The following BTBD8 variants were observed in gnomAD, a reference collection of about 807,000 sequenced individuals.
BTBD8 encodes the protein BTB domain containing 8.
In BTBD8, 110 loss-of-function variants were observed where a neutral mutation model predicts 162.9. The observed-to-expected ratio is 0.68, with a 90% CI of 0.58 to 0.79. The LOEUF (loss-of-function observed/expected upper bound fraction) is 0.79, where lower values mean the gene tolerates loss of function less well. BTBD8 is among the 30% of genes least tolerant of loss of function. BTBD8 has a pLI of 0.00. For synonymous variants in BTBD8, 667 were observed against 716.1 expected, an observed-to-expected ratio of 0.93 and a Z score of 1.10; for missense variants, 1,905 against 2,085.4, an observed-to-expected ratio of 0.91 and a Z score of 1.68.
At chr1:92,137,716 G>T (rs1649667092) in intron 5 of BTBD8, among the ~76,000 whole-genome samples, 1 of 152,176 alleles carries the variant, frequency 6.6e-6, no homozygotes. Flanking sequence ...GAGTGTTTCA[G>T]ATTTTTTCAG....
intron 4 of BTBD8, among the ~76,000 whole-genome samples, chr1:92,114,029 AAG>A (rs1303173902): frequency 6.6e-6 from 1 of 151,044 alleles, no homozygotes; most frequent in Non-Finnish European, 1.5e-5. Context: ...AAAAAAAAAA[AAG>A]ATTAGAGGGG....
chr1:92,091,557 C>T (rs543451863), intron 2 of BTBD8, among the ~76,000 whole-genome samples: 4 of 150,958 alleles, frequency 2.6e-5, no homozygotes, highest in South Asian at 4.2e-4. Flanking sequence ...TATTTTTAGA[C>T]GGAGTCTCGC....
At chr1:92,123,768 C>T in intron 4 of BTBD8, among the ~76,000 whole-genome samples, 1 of 118,424 alleles carries the variant, frequency 8.4e-6, no homozygotes, top group East Asian at 2.5e-4. Flanking sequence ...CAGAGCAAGA[C>T]TCCGTCTCAA....
intron 9 of BTBD8, among the ~76,000 whole-genome samples, chr1:92,162,217 C>A (rs982619459): frequency 6.6e-6 from 1 of 152,200 alleles, no homozygotes; most frequent in Non-Finnish European, 1.5e-5. Context: ...ACAGCACTTT[C>A]CCTCAGCCAC....
intron 15 of BTBD8, 38 bp downstream of exon 15, chr1:92,177,936 T>C: frequency 1.9e-6 from 2 of 1,065,826 alleles, no homozygotes; most frequent in Non-Finnish European, 2.7e-6. Flanking sequence ...ATCTGTTAGC[T>C]TTCTCTCAAA....
At chr1:92,121,775 T>G (rs1490662223) in intron 4 of BTBD8, among the ~76,000 whole-genome samples, 1 of 152,146 alleles carries the variant, frequency 6.6e-6, no homozygotes, top group African/African-American at 2.4e-5. Flanking sequence ...TTTCATGTGC[T>G]TATTTGCCAT....
At chr1:92,119,887 C>CCTTTT (rs1431815762) in intron 4 of BTBD8, among the ~76,000 whole-genome samples, 27 of 136,936 alleles carry the variant, frequency 2.0e-4, no homozygotes, top group South Asian at 2.3e-4. Context: ...TGCACCCGGC[C>CCTTTT]CTTTTCTTTT....
chr1:92,170,061 A>G (rs1379426760), intron 12 of BTBD8, among the ~76,000 whole-genome samples: 1 of 152,204 alleles, frequency 6.6e-6, no homozygotes, highest in African/African-American at 2.4e-5. Flanking sequence ...AGGTGTCTTC[A>G]GCTCTCTTCC....
At chr1:92,147,370 C>A in intron 8 of BTBD8, 102 bp downstream of exon 8, 1 of 979,816 alleles carries the variant, frequency 1.0e-6, no homozygotes, top group Non-Finnish European at 1.5e-6. Flanking sequence ...TTTTCTTGGA[C>A]ACAATGTAAG....
At chr1:92,105,849 G>GATT (rs1648712157) in intron 3 of BTBD8, among the ~76,000 whole-genome samples, 1 of 152,212 alleles carries the variant, frequency 6.6e-6, no homozygotes, top group African/African-American at 2.4e-5. Context: ...GAAATGGCTT[G>GATT]ATTGGTTATA....
In BTBD8 at chr1:92,080,428, C is replaced by A; in HGVS notation, c.-144C>A. ...GCTTCTCTGGGAGACTGTCTACAAA[C>A]CGACGAGAGGCGTCAACCTTTTACC... On this transcript the variant is annotated 5_prime_UTR_variant, in exon 1 of 18. Transcript: ENST00000636805. 1 of 1,234,766 alleles carries A rather than the reference C, an allele frequency of 8.1e-7. No individual in the cohort carries two copies. The highest frequency in any genetic ancestry group is 1.6e-5 in the South Asian group (1 of 63,494). The allele number at this position is 1,234,766 out of a possible 1,614,324, so 76.5% of individuals were successfully genotyped here.
At chr1:92,114,129 A>C (rs1007489794) in intron 4 of BTBD8, among the ~76,000 whole-genome samples, 1 of 152,068 alleles carries the variant, frequency 6.6e-6, no homozygotes, top group Non-Finnish European at 1.5e-5. Flanking sequence ...ATAAAGTAAG[A>C]AATAATTGTT....
intron 16 of BTBD8, among the ~76,000 whole-genome samples, 169 bp from the exon 17 acceptor site, chr1:92,180,096 T>C (rs541641159): frequency 2.0e-5 from 3 of 152,336 alleles, no homozygotes; most frequent in South Asian, 2.1e-4. Flanking sequence ...TATTTTATCA[T>C]GTAACTGATT....
Position 92,181,375 on chromosome 1 carries a change from T to C in BTBD8, c.3692T>C (p.Phe1231Ser), listed in dbSNP as rs1245542849. Residue 1231 changes from phenylalanine to serine, a missense_variant, in exon 17 of 18, where the codon TTT (phenylalanine) becomes TCT (serine). Physicochemically the swap from Phe to Ser is radical, Grantham distance 155 (BLOSUM62 -2). This residue lies in a region of BTBD8 where 1,374 missense variants were observed against 1,442.7 expected (regional missense o/e 0.95). Transcript: ENST00000636805. ...PESHETPETP[F>S]VGHWNLSTGV... ...AGCCATGAAACTCCAGAAACTCCAT[T>C]TGTGGGTCACTGGAATTTGAGTACT... The C allele has an allele frequency of 6.4e-7, 1 of 1,551,568 alleles. No homozygotes were observed. Among genetic ancestry groups the C allele is most frequent in the Non-Finnish European group, 8.7e-7 (1 of 1,146,986 alleles).
intron 2 of BTBD8, among the ~76,000 whole-genome samples, chr1:92,100,390 G>A (rs1282735557): frequency 6.6e-6 from 1 of 152,022 alleles, no homozygotes; most frequent in Non-Finnish European, 1.5e-5. Context: ...AATTTGTGAA[G>A]GATTGGTGTT....
At chr1:92,154,653 G>A (rs377347384) in intron 9 of BTBD8, among the ~76,000 whole-genome samples, 34 of 152,250 alleles carry the variant, frequency 2.2e-4, no homozygotes, top group East Asian at 1.4e-3. Flanking sequence ...CTATTAAATT[G>A]TAGGAGTTTC....
At chr1:92,108,738 A>C (rs1477694260) in intron 4 of BTBD8, among the ~76,000 whole-genome samples, 1 of 152,234 alleles carries the variant, frequency 6.6e-6, no homozygotes, top group Non-Finnish European at 1.5e-5. Flanking sequence ...GCTGGGTCTC[A>C]CTATGGACTA....
chr1:92,180,690 G>A lies in BTBD8; in HGVS notation c.3007G>A (p.Ala1003Thr). The change falls in exon 17 of 18, where the codon GCA becomes ACA. Residue 1003 changes from alanine to threonine, a missense_variant. Coordinates refer to ENST00000636805, the MANE Select transcript of BTBD8 (RefSeq NM_001376131.1). Reference protein sequence around the residue: ...NLASEISDAEALQSSCRPDPQ... With the variant: ...NLASEISDAETLQSSCRPDPQ... ...TGCATCTGAAATAAGTGATGCAGAA[G>A]CACTCCAGTCATCCTGCAGGCCTGA... 3 of 1,551,414 alleles carry A rather than the reference G, an allele frequency of 1.9e-6. No homozygotes were observed. Among genetic ancestry groups the A allele is most frequent in the Non-Finnish European group, 2.6e-6 (3 of 1,146,822 alleles).
chr1:92,182,949 G>A (rs1036946330), intron 17 of BTBD8, among the ~76,000 whole-genome samples: 2 of 151,864 alleles, frequency 1.3e-5, no homozygotes, highest in African/African-American at 4.8e-5. Context: ...ATTATACATT[G>A]GATATGATTT....
Sources: gnomAD v4.1 joint callset for allele counts (sites outside exome capture counted in the v4.1 genomes callset) on GRCh38, gnomAD v4.1.1 for gene constraint, gnomAD v4.1.1 regional missense constraint, MANE v1.5 for transcripts, NCBI Gene and HGNC (gene_info 2026-07-23, HGNC 2026-07-21) for gene names.